Variants in TCF12 observed in about 807,000 individuals in gnomAD.
TCF12 encodes the protein DNA-binding protein HTF4.
A neutral mutation model predicts 86.0 loss-of-function variants in TCF12; 45 were observed. The observed-to-expected ratio is 0.52, with a 90% confidence interval of 0.41 to 0.67. The LOEUF is 0.67. TCF12 is among the 30% of genes least tolerant of loss of function. TCF12 has a pLI of 0.00. For synonymous variants in TCF12, 330 were observed against 299.6 expected (o/e 1.10, Z -1.05); for missense variants, 881 against 859.9 (o/e 1.02, Z -0.31).
chr15:57,150,873 C>CCCTTCCTTCCTTCCTT (rs374734642), intron 5 of TCF12, among the ~76,000 whole-genome samples: 36 of 40,626 alleles, frequency 8.9e-4, no homozygotes, highest in African/African-American at 2.6e-3. Context: ...CCCCCTCTGT[C>CCCTTCCTTCCTTCCTT]CCTTCCTTCC....
Position 57,192,813 on chromosome 15 carries a change from T to C in TCF12, c.526+520T>C, listed in dbSNP as rs574128905. Among the ~76,000 whole-genome samples, 4 of 152,360 alleles carry C rather than the reference T, an allele frequency of 2.6e-5. No homozygotes were observed. The South Asian group carries it at 8.3e-4, about 32-fold the overall frequency. On this transcript the variant is annotated intron_variant, in intron 7 of 20. Transcript: ENST00000333725. Reference sequence around the variant, plus strand: ...AATGAAATTATCAAAATTCTTACTTTTATAAATACATTGTAAGTTTTTAAT... The same window carrying C: ...AATGAAATTATCAAAATTCTTACTTCTATAAATACATTGTAAGTTTTTAAT...
chr15:56,987,549 T>C (rs2063254736), intron 3 of TCF12, among the ~76,000 whole-genome samples: 1 of 152,254 alleles, frequency 6.6e-6, no homozygotes, highest in Admixed American at 6.5e-5. Flanking sequence ...TTGTTGCTGC[T>C]ATTTTATTTG....
At chr15:57,076,248 G>T (rs1453230535) in intron 4 of TCF12, among the ~76,000 whole-genome samples, 2 of 152,094 alleles carry the variant, frequency 1.3e-5, no homozygotes, top group Non-Finnish European at 2.9e-5. Flanking sequence ...AGCAGTGTAC[G>T]AATACAGAGC....
intron 6 of TCF12, among the ~76,000 whole-genome samples, chr15:57,172,621 C>T (rs2055594321): frequency 6.6e-6 from 1 of 152,038 alleles, no homozygotes; most frequent in South Asian, 2.1e-4. Flanking sequence ...ACACGGGGGC[C>T]TCCTTGAAGG....
intron 3 of TCF12, among the ~76,000 whole-genome samples, chr15:56,933,936 T>C (rs2060357667): frequency 6.6e-6 from 1 of 151,882 alleles, no homozygotes; most frequent in South Asian, 2.1e-4. Context: ...GAATGAAATA[T>C]ATATAATATT....
Position 57,219,627 on chromosome 15 carries a change from G to C in TCF12, c.580-11525G>C, listed in dbSNP as rs1290842244. 5 of 1,588,310 alleles carry C rather than the reference G, an allele frequency of 3.1e-6. No individual in the cohort carries two copies. The Middle Eastern group carries it at 5.0e-4, about 160-fold the overall frequency. On this transcript the variant is annotated intron_variant, in intron 8 of 20. Coordinates refer to ENST00000333725, the MANE Select transcript of TCF12 (RefSeq NM_207037.2). ...TCTTTGTATAGCTTCTAACTCACTT[G>C]TTTAAAGGAAAGCAGTATACATTAC...
At chr15:57,255,674 G>T (rs554131849) in intron 16 of TCF12, among the ~76,000 whole-genome samples, 1 of 152,152 alleles carries the variant, frequency 6.6e-6, no homozygotes, top group South Asian at 2.1e-4. Context: ...AGTAGAGATG[G>T]GGTTTCACCA....
At chr15:56,936,739 C>T (rs1470811088) in intron 3 of TCF12, among the ~76,000 whole-genome samples, 1 of 152,122 alleles carries the variant, frequency 6.6e-6, no homozygotes, top group Non-Finnish European at 1.5e-5. Flanking sequence ...ATGGGGTGTC[C>T]TTTCCCCACT....
chr15:57,273,129 G>C lies in TCF12; in HGVS notation c.1845G>C (p.Arg615=). The part of the protein sequence containing the change: ...ANNARERLRV[R]DINEAFKELG... ...ATGCCAGAGAACGCTTACGCGTGCG[G>C]GATATTAATGAAGCATTCAAAGAGC... Residue 615 remains arginine, a synonymous_variant, in exon 19 of 21, where the codon CGG becomes CGC. Transcript: ENST00000333725. 6.2e-7 allele frequency: 1 copy of C among 1,614,228 alleles called. No individual in the cohort carries two copies. The highest frequency in any genetic ancestry group is 2.2e-5 in the East Asian group (1 of 44,882).
At chr15:56,918,524 TC>T (rs1595667111), upstream of TCF12, 1 of 309,122 alleles carries the variant, frequency 3.2e-6, no homozygotes, top group Non-Finnish European at 6.4e-6. Context: ...GTGCGGCTCC[TC>T]CCAGTCCCCG....
At chr15:56,968,885 C>T (rs1363473766) in intron 3 of TCF12, among the ~76,000 whole-genome samples, 1 of 152,098 alleles carries the variant, frequency 6.6e-6, no homozygotes, top group Non-Finnish European at 1.5e-5. Context: ...TTTGGTAAGG[C>T]GGGACAACTT....
At chr15:57,063,339 T>G (rs1047438919) in intron 3 of TCF12, among the ~76,000 whole-genome samples, 2 of 152,150 alleles carry the variant, frequency 1.3e-5, no homozygotes, top group Non-Finnish European at 2.9e-5. Flanking sequence ...ATTGAATGAT[T>G]GTTTGTCTTG....
intron 8 of TCF12, among the ~76,000 whole-genome samples, chr15:57,210,939 C>T (rs970456724): frequency 6.6e-6 from 1 of 152,190 alleles, no homozygotes; most frequent in African/African-American, 2.4e-5. Context: ...ATCTTTATTA[C>T]AGAATAGTGC....
intron 3 of TCF12, among the ~76,000 whole-genome samples, chr15:57,022,054 TTATGTATGTATG>T (rs529943161): frequency 6.6e-6 from 1 of 151,996 alleles, no homozygotes; most frequent in African/African-American, 2.4e-5. Flanking sequence ...TTTCTTTTTT[TTATGTATGTATG>T]TATGTATGTA....
At chr15:57,070,571 G>A (rs1306634394) in intron 4 of TCF12, among the ~76,000 whole-genome samples, 3 of 152,288 alleles carry the variant, frequency 2.0e-5, no homozygotes, top group Admixed American at 6.5e-5. Context: ...TGAGATTAAT[G>A]TCATTTTTCT....
Position 56,920,638 on chromosome 15 carries a change from T to C in TCF12, c.76-388T>C, listed in dbSNP as rs573252825. On this transcript the variant is annotated intron_variant, in intron 2 of 20. Transcript: ENST00000333725. Reference sequence around the variant, plus strand: ...GGAGGCAGCACCTATACCTGCTTTATACAATTCAGTTATAATCCTTACTGT... The same window carrying C: ...GGAGGCAGCACCTATACCTGCTTTACACAATTCAGTTATAATCCTTACTGT... Among the ~76,000 whole-genome samples, 4 of 152,258 alleles carry C rather than the reference T, an allele frequency of 2.6e-5. No individual in the cohort carries two copies. In the South Asian group the frequency reaches 8.3e-4, roughly 32 times the overall value.
chr15:57,161,698 A>T (rs2054515323), intron 5 of TCF12, among the ~76,000 whole-genome samples: 1 of 152,212 alleles, frequency 6.6e-6, no homozygotes, highest in East Asian at 1.9e-4. Context: ...CCAATCTCTA[A>T]GTGAAATTTA....
intron 5 of TCF12, among the ~76,000 whole-genome samples, chr15:57,102,096 C>A (rs1169320978): frequency 2.7e-5 from 4 of 148,368 alleles, no homozygotes; most frequent in African/African-American, 1.0e-4. Context: ...ACATATAATT[C>A]ATGGCTTATC....
chr15:57,200,050 T>TA (rs1409480638), intron 8 of TCF12, among the ~76,000 whole-genome samples: 2 of 150,646 alleles, frequency 1.3e-5, no homozygotes, highest in Non-Finnish European at 3.0e-5. Context: ...GCTGGCTTTT[T>TA]TTTTTTTTTT....
Sources: gnomAD v4.1 joint callset for allele counts (sites outside exome capture counted in the v4.1 genomes callset) on GRCh38, gnomAD v4.1.1 for gene constraint, MANE v1.5 for transcripts, NCBI Gene and HGNC (gene_info 2026-07-23, HGNC 2026-07-21) for gene names.